IBTK: variants seen among roughly 807,000 people sequenced by gnomAD.
The protein encoded by IBTK is inhibitor of Bruton tyrosine kinase.
IBTK carries 83 observed loss-of-function variants against 154.9 expected under a neutral mutation model. That is an observed-to-expected ratio of 0.54 (90% CI 0.45 to 0.64). The LOEUF (loss-of-function observed/expected upper bound fraction) is 0.64, where lower values mean the gene tolerates loss of function less well. IBTK is among the 30% of genes least tolerant of loss of function. The pLI, the probability that IBTK is intolerant of heterozygous loss-of-function variation, is 0.00. For missense variants in IBTK, 1,332 were observed against 1,584.6 expected (o/e 0.84, Z 2.71); for synonymous variants, 515 against 536.1 (o/e 0.96, Z 0.54).
At chr6:82,235,603 A>C (rs28516756) in intron 2 of IBTK, among the ~76,000 whole-genome samples, 10 of 151,744 alleles carry the variant, frequency 6.6e-5, no homozygotes, top group African/African-American at 2.4e-4. Flanking sequence ...TCAAAAAAAC[A>C]AAAAAAAATT....
chr6:82,185,385 T>C (rs1768510080), intron 25 of IBTK, among the ~76,000 whole-genome samples: 1 of 150,734 alleles, frequency 6.6e-6, no homozygotes, highest in Admixed American at 6.6e-5. Context: ...TACAGACCCA[T>C]CTCTACAACA....
At chr6:82,173,684 T>TAC (rs1554181581) in intron 26 of IBTK, 2 of 218,854 alleles carry the variant, frequency 9.1e-6, no homozygotes, top group South Asian at 1.3e-4. Flanking sequence ...AATATATATA[T>TAC]ACACACACCA....
intron 1 of IBTK, among the ~76,000 whole-genome samples, chr6:82,244,917 C>T (rs752365744): frequency 3.3e-5 from 5 of 151,806 alleles, no homozygotes; most frequent in South Asian, 2.1e-4. Context: ...TCTTCTTCAG[C>T]GCATCCATAG....
chr6:82,181,546 G>A (rs1768317383), intron 26 of IBTK, among the ~76,000 whole-genome samples: 1 of 152,156 alleles, frequency 6.6e-6, no homozygotes, highest in African/African-American at 2.4e-5. Flanking sequence ...AAGAGAGGAA[G>A]GGATTACAAA....
chr6:82,237,238 C>T (rs1770748985), intron 2 of IBTK, among the ~76,000 whole-genome samples: 1 of 151,324 alleles, frequency 6.6e-6, no homozygotes, highest in Non-Finnish European at 1.5e-5. Context: ...TCCAACTTTC[C>T]AGCAGAAACT....
At chr6:82,182,050 A>G in intron 25 of IBTK, 22 bp from the exon 26 acceptor site, 1 of 1,580,070 alleles carries the variant, frequency 6.3e-7, no homozygotes, top group Non-Finnish European at 8.5e-7. Context: ...AGCAAAGATC[A>G]TGTTAAAACA....
At chr6:82,238,366 G>A (rs539537656) in intron 2 of IBTK, among the ~76,000 whole-genome samples, 38 of 151,998 alleles carry the variant, frequency 2.5e-4, no homozygotes, top group Admixed American at 1.6e-3. Context: ...ATTTCAAAAC[G>A]CTTTATTATT....
intron 5 of IBTK, among the ~76,000 whole-genome samples, chr6:82,226,858 A>G (rs1770317666): frequency 2.0e-5 from 3 of 152,088 alleles, no homozygotes; most frequent in Non-Finnish European, 4.4e-5. Context: ...CGCCTGCTTC[A>G]GCCTCCCAAA....
At position 82,174,684 on chromosome 6, in the gene IBTK, TA is replaced by T. The variant is rs144280371; in HGVS notation, c.3726-1247del. On this transcript the variant is annotated intron_variant, in intron 26 of 28. Coordinates refer to ENST00000306270, the MANE Select transcript of IBTK (RefSeq NM_015525.4). ...CTAATGTGTGGGCAAACAAATTTAC[TA>T]AAAGCCTAAGTACTTCATGTGTATT... Among the ~76,000 whole-genome samples, 1,089 of 152,280 alleles carry T rather than the reference TA, an allele frequency of 7.2e-3. 15 individuals are homozygous for T. Among genetic ancestry groups the T allele is most frequent in the African/African-American group, 0.024 (1,006 of 41,560 alleles).
intron 19 of IBTK, 110 bp from the exon 20 acceptor site, chr6:82,200,818 T>C (rs1769183366): frequency 1.6e-6 from 2 of 1,230,790 alleles, no homozygotes; most frequent in Non-Finnish European, 2.1e-6. Context: ...GCCAGGCTGT[T>C]TGGAACACCT....
Position 82,223,602 on chromosome 6 carries a change from T to C in IBTK, c.962A>G (p.Asn321Ser), listed in dbSNP as rs201460547. The C allele has an allele frequency of 1.3e-5, 21 of 1,612,728 alleles. No homozygotes were observed. Among genetic ancestry groups the C allele is most frequent in the Middle Eastern group, 1.7e-4 (1 of 6,046 alleles). Residue 321 changes from asparagine to serine, a missense_variant, in exon 8 of 29, where the codon AAT becomes AGT. This residue lies in a region of IBTK where 1,134 missense variants were observed against 1,274.7 expected (regional missense o/e 0.89). Transcript: ENST00000306270. ...GGQLGCLLDP[N>S]GEKCVTAPRQ... Reference sequence around the variant, plus strand: ...AGGAGCAGTTACACACTTTTCTCCATTGGGATCTAGCAAACAACCTAAAAA... The same window carrying C: ...AGGAGCAGTTACACACTTTTCTCCACTGGGATCTAGCAAACAACCTAAAAA...
intron 4 of IBTK, among the ~76,000 whole-genome samples, chr6:82,228,624 C>CTTTTTT (rs753768771): frequency 7.0e-6 from 1 of 143,070 alleles, no homozygotes; most frequent in African/African-American, 2.5e-5. Flanking sequence ...AAACCCCAGA[C>CTTTTTT]TTTTTTTTTT....
chr6:82,245,842 G>T (rs1289113508), intron 1 of IBTK, among the ~76,000 whole-genome samples: 1 of 152,098 alleles, frequency 6.6e-6, no homozygotes, highest in Admixed American at 6.5e-5. Context: ...GTAATTCCCA[G>T]GTTTCTGGCT....
chr6:82,181,700 T>C (rs2127799166), intron 26 of IBTK, among the ~76,000 whole-genome samples, 179 bp downstream of exon 26: 1 of 152,302 alleles, frequency 6.6e-6, no homozygotes, highest in South Asian at 2.1e-4. Flanking sequence ...TATATCTCCG[T>C]AACCGTTTCA....
At chr6:82,190,538 T>C (rs1768726713) in intron 25 of IBTK, among the ~76,000 whole-genome samples, 1 of 152,172 alleles carries the variant, frequency 6.6e-6, no homozygotes, top group African/African-American at 2.4e-5. Flanking sequence ...GCTGCCACTA[T>C]GTGTAAATTC....
rs981234371 is a variant in IBTK, at chr6:82,224,177, T to C, written c.834A>G (p.Ala278=). 41 of 1,612,416 alleles carry C rather than the reference T, an allele frequency of 2.5e-5. No individual in the cohort carries two copies. Among genetic ancestry groups the C allele is most frequent in the Non-Finnish European group, 3.3e-5 (39 of 1,178,552 alleles). The change falls in exon 7 of 29, where the codon GCA becomes GCG. Residue 278 remains alanine (A), a synonymous_variant. Coordinates refer to ENST00000306270, the MANE Select transcript of IBTK (RefSeq NM_015525.4). ...SSCNVPRQIQ[A]KYLKGRTIIG... ...TGATTGTCCTTCCTTTCAGATATTT[T>C]GCCTGTATCTATTTAAAGACAAATA...
rs1767881722 is a variant in IBTK, at chr6:82,170,117, G to A, written c.*1308C>T. ...AAACTGCCTTTTTAAATCCGTCTTA[G>A]AATAAATACAGCATCAACTTAACCA... On this transcript the variant is annotated 3_prime_UTR_variant, in exon 29 of 29. Transcript: ENST00000306270. 6.6e-6 allele frequency: 1 copy of A among 152,184 alleles called. No homozygotes were observed. The highest frequency in any genetic ancestry group is 6.5e-5 in the Admixed American group (1 of 15,272). 9.4% of individuals were successfully genotyped at this position (152,184 alleles called of 1,614,324 possible). A position where few individuals can be genotyped will look rare whatever the true frequency, so the allele number is the denominator to read the frequency against.
Position 82,212,808 on chromosome 6 carries a change from T to C in IBTK, c.2205-15A>G. The stretch of plus-strand genomic sequence containing the variant: ...CTCCATCTAACCTATCAAGGATAGA[T>C]AAAAATTAACAATTGATATTCCCCT... On this transcript the variant is annotated splice_polypyrimidine_tract_variant and intron_variant, in intron 12 of 28. Transcript: ENST00000306270. The C allele has an allele frequency of 7.1e-7, 1 of 1,416,142 alleles. No individual in the cohort carries two copies. The highest frequency in any genetic ancestry group is 1.0e-6 in the Non-Finnish European group (1 of 1,004,900). 87.7% of individuals were successfully genotyped at this position (1,416,142 alleles called of 1,614,324 possible).
At chr6:82,231,100 A>G (rs1346850433) in intron 4 of IBTK, among the ~76,000 whole-genome samples, 1 of 152,186 alleles carries the variant, frequency 6.6e-6, no homozygotes, top group Non-Finnish European at 1.5e-5. Context: ...CAGTGTGAAT[A>G]CAAATAATTA....
Sources: gnomAD v4.1 joint callset for allele counts (sites outside exome capture counted in the v4.1 genomes callset) on GRCh38, gnomAD v4.1.1 for gene constraint, gnomAD v4.1.1 regional missense constraint, MANE v1.5 for transcripts, NCBI Gene and HGNC (gene_info 2026-07-23, HGNC 2026-07-21) for gene names.